SLC28A3: variants seen among roughly 807,000 people sequenced by gnomAD.
SLC28A3 encodes the protein solute carrier family 28 member 3, also known as concentrative Na(+)-nucleoside cotransporter 3.
Under a neutral mutation model 84.2 loss-of-function variants are expected in SLC28A3, and 68 were observed. That is an observed-to-expected ratio of 0.81 (90% CI 0.66 to 0.99). The LOEUF is 0.99. SLC28A3 is among the 50% of genes least tolerant of loss of function. SLC28A3 has a pLI of 0.00. For missense variants in SLC28A3, 712 were observed against 841.5 expected, an observed-to-expected ratio of 0.85 and a Z score of 1.90; for synonymous variants, 267 against 303.6, an observed-to-expected ratio of 0.88 and a Z score of 1.25.
intron 1 of SLC28A3, among the ~76,000 whole-genome samples, chr9:84,321,979 G>A (rs533452232): frequency 2.0e-5 from 3 of 152,276 alleles, no homozygotes; most frequent in South Asian, 4.1e-4. Flanking sequence ...GAACTCAGGG[G>A]GCAGAGGTTG....
chr9:84,310,366 A>G, intron 2 of SLC28A3: 1 of 978,376 alleles, frequency 1.0e-6, no homozygotes, highest in Non-Finnish European at 1.2e-6. Flanking sequence ...GAGCTCTCAA[A>G]TATCCATGAC....
intron 1 of SLC28A3, among the ~76,000 whole-genome samples, chr9:84,331,112 A>G (rs1826765389): frequency 6.6e-6 from 1 of 152,178 alleles, no homozygotes; most frequent in African/African-American, 2.4e-5. Context: ...TTGGTTTACA[A>G]TCCCCTACAC....
At chr9:84,296,870 C>A (rs1361406555) in intron 8 of SLC28A3, among the ~76,000 whole-genome samples, 4 of 152,238 alleles carry the variant, frequency 2.6e-5, no homozygotes, top group African/African-American at 9.6e-5. Context: ...CACATGCCTA[C>A]TTGTTGCTGG....
At position 84,278,340 on chromosome 9, in the gene SLC28A3, C is replaced by CA. The variant is rs1824599719; in HGVS notation, c.1953dup (p.Val652CysfsTer7). ...ATGACTTCACCAGGACCCTTGGCAA[C>CA]AGTGCTGGTGGAAAGTGGAAAGAAA... On this transcript the variant is annotated frameshift_variant, in exon 18 of 18. Transcript: ENST00000376238. LOFTEE classifies it high-confidence loss of function. The CA allele has an allele frequency of 1.9e-6, 3 of 1,613,852 alleles. No homozygotes were observed. The highest frequency in any genetic ancestry group is 1.3e-5 in the African/African-American group (1 of 74,894).
At chr9:84,324,969 AT>A (rs1477589378) in intron 1 of SLC28A3, among the ~76,000 whole-genome samples, 1 of 152,202 alleles carries the variant, frequency 6.6e-6, no homozygotes, top group Non-Finnish European at 1.5e-5. Flanking sequence ...CATTACTTTA[AT>A]TACAACCCCT....
upstream of SLC28A3, among the ~76,000 whole-genome samples, chr9:84,342,618 A>G (rs981481220): frequency 1.3e-5 from 2 of 149,464 alleles, no homozygotes; most frequent in Non-Finnish European, 3.0e-5. Flanking sequence ...GGGCCTCACT[A>G]TGTTGCCCAG....
At chr9:84,287,547 T>C (rs1825040883) in intron 12 of SLC28A3, among the ~76,000 whole-genome samples, 1 of 152,144 alleles carries the variant, frequency 6.6e-6, no homozygotes, top group South Asian at 2.1e-4. Flanking sequence ...GATATGGAAA[T>C]GTATTGACAT....
chr9:84,344,491 G>C (rs376303719), upstream of SLC28A3, among the ~76,000 whole-genome samples: 7 of 152,152 alleles, frequency 4.6e-5, no homozygotes, highest in South Asian at 4.2e-4. Flanking sequence ...ACCCGGCCCA[G>C]ATGGGTTTTA....
chr9:84,357,778 G>A, the SLC28A3 span, among the ~76,000 whole-genome samples: 2 of 152,088 alleles, frequency 1.3e-5, no homozygotes, highest in Non-Finnish European at 2.9e-5. Flanking sequence ...CCGAGCTGTG[G>A]GTCACACAGC....
upstream of SLC28A3, among the ~76,000 whole-genome samples, chr9:84,343,248 G>C (rs1012951991): frequency 6.6e-6 from 1 of 152,152 alleles, no homozygotes; most frequent in African/African-American, 2.4e-5. Context: ...AGGGTTGAGT[G>C]GTGACTGAAG....
the SLC28A3 span, among the ~76,000 whole-genome samples, chr9:84,346,005 T>A: frequency 2.0e-5 from 3 of 152,122 alleles, no homozygotes; most frequent in Non-Finnish European, 2.9e-5. Context: ...TTTAAACAAT[T>A]CCCCAGTCAT....
chr9:84,297,149 C>T, intron 8 of SLC28A3, 72 bp downstream of exon 8: 1 of 1,356,948 alleles, frequency 7.4e-7, no homozygotes. Context: ...CAGTTAAGTT[C>T]TATCTGAACA....
rs143837975 is a variant in SLC28A3 at position 84,275,496 on chromosome 9, T to C, written c.*2722A>G. The C allele has an allele frequency of 7.9e-5, 12 of 152,390 alleles. No homozygotes were observed. In the East Asian group the frequency reaches 2.3e-3, roughly 29 times the overall value. 9.4% of individuals were successfully genotyped at this position (152,390 alleles called of 1,614,324 possible). On this transcript the variant is annotated 3_prime_UTR_variant, in exon 18 of 18. Coordinates refer to ENST00000376238, the MANE Select transcript of SLC28A3 (RefSeq NM_001199633.2). ...ACCAACAGCAACAATCTGTCAACAGTGAGCGGGCTCAAACAGCTGAAAAAC... is the reference window on the plus strand; with the variant it reads ...ACCAACAGCAACAATCTGTCAACAGCGAGCGGGCTCAAACAGCTGAAAAAC...
chr9:84,287,940 T>C (rs1359090450), intron 12 of SLC28A3, 108 bp downstream of exon 12: 33 of 1,397,466 alleles, frequency 2.4e-5, no homozygotes, highest in Non-Finnish European at 3.1e-5. Flanking sequence ...ACTTTAATAT[T>C]GTAATTCACT....
chr9:84,330,644 T>C (rs977210173), intron 1 of SLC28A3, among the ~76,000 whole-genome samples: 2 of 152,238 alleles, frequency 1.3e-5, no homozygotes, highest in South Asian at 4.1e-4. Flanking sequence ...TTTACAAATA[T>C]ACATTTTATG....
rs762575743 is a variant in SLC28A3 at position 84,290,154 on chromosome 9, C to T, written c.1149G>A (p.Gly383=). The part of the protein sequence containing the change: ...GSVLGAYISF[G]VPSSHLLTAS... ...TTTCATAATTCCAAAACATTCTTAC[C>T]CCAAAAGAAATGTATGCACCTAGCA... Residue 383 remains glycine (G), a splice_region_variant and synonymous_variant, in exon 11 of 18, where the codon GGG becomes GGA. Transcript: ENST00000376238. The T allele has an allele frequency of 3.1e-6, 5 of 1,612,698 alleles. No homozygotes were observed. In the Admixed American group the frequency reaches 6.7e-5, roughly 22 times the overall value.
intron 14 of SLC28A3, among the ~76,000 whole-genome samples, chr9:84,284,849 A>G (rs918194422): frequency 3.6e-4 from 55 of 152,286 alleles, no homozygotes; most frequent in African/African-American, 1.3e-3. Flanking sequence ...ATGCTACACT[A>G]ACTCTCGAGG....
chr9:84,357,945 G>A, the SLC28A3 span, among the ~76,000 whole-genome samples: 1 of 152,172 alleles, frequency 6.6e-6, no homozygotes, highest in Non-Finnish European at 1.5e-5. Context: ...AAGCTAAAGA[G>A]GAATGAGGCA....
chr9:84,287,977 T>C (rs1243345455), intron 12 of SLC28A3, 71 bp downstream of exon 12: 5 of 1,587,928 alleles, frequency 3.1e-6, no homozygotes, highest in East Asian at 2.2e-5. Context: ...AAATTTTTGC[T>C]GTACATTGAC....
Sources: allele counts gnomAD v4.1 joint callset (sites outside exome capture counted in the v4.1 genomes callset), GRCh38; gene constraint gnomAD v4.1.1; transcripts MANE v1.5; gene names NCBI Gene and HGNC (gene_info 2026-07-23, HGNC 2026-07-21).